FOXP1: variants seen among roughly 807,000 people sequenced by gnomAD.
FOXP1 encodes the protein forkhead box protein P1.
In FOXP1, 15 loss-of-function variants were observed where a neutral mutation model predicts 98.2. The observed-to-expected ratio is 0.15, with a 90% confidence interval of 0.10 to 0.24. The LOEUF (loss-of-function observed/expected upper bound fraction) is 0.24, where lower values mean the gene tolerates loss of function less well. FOXP1 is among the 10% of genes least tolerant of loss of function. The pLI, the probability that FOXP1 is intolerant of heterozygous loss-of-function variation, is 1.00. For synonymous variants in FOXP1, 371 were observed against 314.5 expected (o/e 1.18, Z -1.90); for missense variants, 633 against 848.5 (o/e 0.75, Z 3.15).
intron 4 of FOXP1, among the ~76,000 whole-genome samples, chr3:71,357,844 ATACT>A (rs756443974): frequency 4.5e-4 from 68 of 152,368 alleles, no homozygotes; most frequent in South Asian, 1.0e-3. Flanking sequence ...TTACGACAGA[ATACT>A]TAAATAATTT....
chr3:71,180,351 G>A (rs1433384448), intron 6 of FOXP1, among the ~76,000 whole-genome samples: 3 of 151,956 alleles, frequency 2.0e-5, no homozygotes, highest in Admixed American at 6.6e-5. Flanking sequence ...TGCTGTCTTG[G>A]TTCTAGGTAC....
chr3:71,336,235 G>A lies in FOXP1; in HGVS notation c.-73+22915C>T, dbSNP rs1195788654. 2.7e-5 allele frequency among the ~76,000 whole-genome samples: 4 copies of A among 149,922 alleles called. No homozygotes were observed. In the South Asian group the frequency reaches 8.6e-4, roughly 32 times the overall value. On this transcript the variant is annotated intron_variant, in intron 4 of 20. Coordinates refer to ENST00000649528, the MANE Select transcript of FOXP1 (RefSeq NM_001349338.3). ...ATCTACTAACATGTTTAAATTTATA[G>A]TTTATAAAAACATAAAAAATTTTTA...
At chr3:71,148,407 C>T (rs946077717) in intron 6 of FOXP1, among the ~76,000 whole-genome samples, 3 of 152,010 alleles carry the variant, frequency 2.0e-5, no homozygotes, top group Non-Finnish European at 4.4e-5. Context: ...CTAATAATAA[C>T]AACAACAAAA....
At chr3:71,167,600 T>C (rs1205815657) in intron 6 of FOXP1, among the ~76,000 whole-genome samples, 1 of 152,204 alleles carries the variant, frequency 6.6e-6, no homozygotes, top group Non-Finnish European at 1.5e-5. Context: ...TCTCTGACAC[T>C]GTGTGTCAGT....
At chr3:71,169,467 C>T (rs2061541149) in intron 6 of FOXP1, among the ~76,000 whole-genome samples, 1 of 152,096 alleles carries the variant, frequency 6.6e-6, no homozygotes, top group Non-Finnish European at 1.5e-5. Flanking sequence ...GAGCCTAATG[C>T]AAAAACCAGT....
At chr3:70,977,547 T>G in intron 16 of FOXP1, 96 bp downstream of exon 16, 1 of 1,028,834 alleles carries the variant, frequency 9.7e-7, no homozygotes, top group African/African-American at 1.6e-5. Context: ...TCAGCATGCT[T>G]GCATACTAAA....
At chr3:71,108,696 C>T (rs1385765091) in intron 7 of FOXP1, among the ~76,000 whole-genome samples, 1 of 152,078 alleles carries the variant, frequency 6.6e-6, no homozygotes, top group Non-Finnish European at 1.5e-5. Context: ...ACCTGGAAGA[C>T]GGAGGTTGCA....
intron 11 of FOXP1, among the ~76,000 whole-genome samples, chr3:71,016,123 A>G (rs2044437671): frequency 6.6e-6 from 1 of 152,178 alleles, no homozygotes; most frequent in African/African-American, 2.4e-5. Flanking sequence ...TTTATCCAGC[A>G]AAGAGGAGTA....
intron 13 of FOXP1, among the ~76,000 whole-genome samples, chr3:70,994,038 GAAA>G (rs897216739): frequency 1.1e-4 from 12 of 108,804 alleles, no homozygotes; most frequent in Admixed American, 9.5e-4. Flanking sequence ...AAAAGAAAAA[GAAA>G]AAAAAGTGAC....
At chr3:71,544,893 C>T (rs985850722) in intron 2 of FOXP1, among the ~76,000 whole-genome samples, 1 of 151,550 alleles carries the variant, frequency 6.6e-6, no homozygotes, top group Admixed American at 6.6e-5. Flanking sequence ...TCACCTTGCT[C>T]TAAACAGCTT....
intron 2 of FOXP1, among the ~76,000 whole-genome samples, chr3:71,531,500 T>C (rs904091489): frequency 6.6e-6 from 1 of 151,296 alleles, no homozygotes; most frequent in Non-Finnish European, 1.5e-5. Context: ...GAGGAACAAA[T>C]TGGACAAAAA....
intron 6 of FOXP1, among the ~76,000 whole-genome samples, chr3:71,114,406 TCTC>T (rs1294847237): frequency 6.6e-6 from 1 of 152,128 alleles, no homozygotes; most frequent in Non-Finnish European, 1.5e-5. Flanking sequence ...GAGCAGTGCT[TCTC>T]CTAAAAGGAC....
At chr3:71,313,324 G>T (rs1039150360) in intron 4 of FOXP1, among the ~76,000 whole-genome samples, 15 of 152,010 alleles carry the variant, frequency 9.9e-5, no homozygotes, top group African/African-American at 3.1e-4. Flanking sequence ...CTCCCAAAGT[G>T]CTGGGATTAC....
intron 6 of FOXP1, among the ~76,000 whole-genome samples, chr3:71,136,160 G>A (rs1394711461): frequency 6.6e-6 from 1 of 152,184 alleles, no homozygotes; most frequent in Non-Finnish European, 1.5e-5. Flanking sequence ...GGTTATAAAT[G>A]CACCTTTGAA....
chr3:70,964,802 G>A (rs1478759225), intron 20 of FOXP1, among the ~76,000 whole-genome samples: 1 of 152,182 alleles, frequency 6.6e-6, no homozygotes, highest in Non-Finnish European at 1.5e-5. Context: ...CTGTGGAGAT[G>A]AAACTCAAAT....
Position 71,261,408 on chromosome 3 carries a change from A to T in FOXP1, c.-12+38412T>A, listed in dbSNP as rs571904798. 5.4e-4 allele frequency among the ~76,000 whole-genome samples: 80 copies of T among 147,382 alleles called. 1 individual carries two copies. Among genetic ancestry groups the T allele is most frequent in the Middle Eastern group, 3.8e-3 (1 of 262 alleles). On this transcript the variant is annotated intron_variant, in intron 5 of 20. Coordinates refer to ENST00000649528, the MANE Select transcript of FOXP1 (RefSeq NM_001349338.3). ...GTATTATTTTCATATATTTAAATTT[A>T]AAAAAAAAACATAAAATTGAGCAAA...
rs1272447484 is a variant in FOXP1 at position 71,435,263 on chromosome 3, G to A, written c.-168+58163C>T. Among the ~76,000 whole-genome samples the A allele has an allele frequency of 6.9e-3, 125 of 18,210 alleles. 55 individuals carry two copies. Among genetic ancestry groups the A allele is most frequent in the Non-Finnish European group, 0.01 (88 of 8,394 alleles). The allele number at this position is 18,210 out of a possible 152,430, so 11.9% of individuals were successfully genotyped here. ...GGGAGGAAGGAAGAGAGGGAGGGAG[G>A]GAGGGAGGGAAGAAGGGAGGGAGGG... is the stretch of plus-strand genomic sequence containing the variant. On this transcript the variant is annotated intron_variant, in intron 3 of 20. Transcript: ENST00000649528.
At chr3:71,488,514 A>T (rs1394104703) in intron 3 of FOXP1, among the ~76,000 whole-genome samples, 1 of 152,188 alleles carries the variant, frequency 6.6e-6, no homozygotes, top group African/African-American at 2.4e-5. Context: ...GAATTACTAC[A>T]TTACTAATAT....
intron 3 of FOXP1, among the ~76,000 whole-genome samples, chr3:71,380,488 A>T (rs1357387772): frequency 6.6e-6 from 1 of 152,216 alleles, no homozygotes; most frequent in African/African-American, 2.4e-5. Context: ...TATTGTAGCC[A>T]GTATAGTTTA....
Sources: gnomAD v4.1 joint callset for allele counts (sites outside exome capture counted in the v4.1 genomes callset) on GRCh38, gnomAD v4.1.1 for gene constraint, MANE v1.5 for transcripts, NCBI Gene and HGNC (gene_info 2026-07-23, HGNC 2026-07-21) for gene names.